The following PEX7 variants were observed in gnomAD, a reference collection of about 807,000 sequenced individuals.
PEX7 encodes peroxisomal biogenesis factor 7.
A neutral mutation model predicts 47.5 loss-of-function variants in PEX7; 34 were observed. The observed-to-expected ratio is 0.72, with a 90% CI of 0.54 to 0.95. The LOEUF is 0.95. Ranked by LOEUF, PEX7 falls within the 40% of genes least tolerant of loss-of-function variation. The probability of loss-of-function intolerance (pLI) is 0.00; values close to 1 mark genes in which losing one functional copy is unlikely to be tolerated. For synonymous variants in PEX7, 141 were observed against 148.8 expected, an observed-to-expected ratio of 0.95 and a Z score of 0.38; for missense variants, 394 against 400.3, an observed-to-expected ratio of 0.98 and a Z score of 0.13.
At position 136,900,469 on chromosome 6, in the gene PEX7, C is replaced by G; in HGVS notation, c.903+2228C>G. On this transcript the variant is annotated intron_variant, in intron 9 of 9. Transcript: ENST00000318471. This position sits in a 1 kb window ranked among gnomAD's most constrained non-coding sequence, Gnocchi z 4.2. ...CTTGGGACCAAGGACATTGCCCCCC[C>G]AGTGACAGCAGATCTCATCGTGTCT... The G allele has an allele frequency of 6.5e-6, 3 of 462,292 alleles. No homozygotes were observed. The highest frequency in any genetic ancestry group is 3.2e-5 in the South Asian group (2 of 61,798). 28.6% of individuals were successfully genotyped at this position (462,292 alleles called of 1,614,324 possible). A position where few individuals can be genotyped will look rare whatever the true frequency, so the allele number is the denominator to read the frequency against.
chr6:136,833,468 G>A (rs567930982), intron 3 of PEX7, among the ~76,000 whole-genome samples: 1 of 152,324 alleles, frequency 6.6e-6, no homozygotes, highest in Non-Finnish European at 1.5e-5. Context: ...CTTCAGAAAT[G>A]CATTTATGTT....
At chr6:136,866,586 A>C in intron 5 of PEX7, 41 bp from the exon 6 acceptor site, 1 of 1,496,294 alleles carries the variant, frequency 6.7e-7, no homozygotes. Context: ...TGCACATTCA[A>C]GTGGTGTGAT....
chr6:136,837,303 A>G (rs1264255594), intron 3 of PEX7, among the ~76,000 whole-genome samples: 1 of 140,532 alleles, frequency 7.1e-6, no homozygotes, highest in Non-Finnish European at 1.5e-5. Flanking sequence ...TGGAGCTTGC[A>G]GTGCGCCAAG....
intron 5 of PEX7, among the ~76,000 whole-genome samples, chr6:136,862,134 T>G: frequency 6.7e-6 from 1 of 149,304 alleles, no homozygotes; most frequent in East Asian, 1.9e-4. Flanking sequence ...GGGCGTGATC[T>G]CAGCTCACTG....
rs748753720 is a variant in PEX7 at position 136,825,205 on chromosome 6, T to TC, written c.131-8dup. On this transcript the variant is annotated splice_polypyrimidine_tract_variant and intron_variant, in intron 1 of 9. Transcript: ENST00000318471. ...TCAAAGGGATGACCTTGATTTTTTT[T>TC]CTCTTTAGGCTGTGGAACCCTACTA... 20 of 1,613,126 alleles carry TC rather than the reference T, an allele frequency of 1.2e-5. No individual in the cohort carries two copies.
chr6:136,883,484 T>C (rs990844382), intron 8 of PEX7, among the ~76,000 whole-genome samples: 1 of 152,208 alleles, frequency 6.6e-6, no homozygotes, highest in Non-Finnish European at 1.5e-5. Flanking sequence ...AAACTCCTTA[T>C]CCTAAGGATT....
chr6:136,899,261 T>G (rs1775710542), intron 9 of PEX7, among the ~76,000 whole-genome samples: 1 of 149,610 alleles, frequency 6.7e-6, no homozygotes, highest in Non-Finnish European at 1.5e-5. Context: ...TTTTTTTTTT[T>G]GACAGAGTTT....
chr6:136,869,121 C>T (rs1463010371), intron 6 of PEX7, among the ~76,000 whole-genome samples: 2 of 152,186 alleles, frequency 1.3e-5, no homozygotes, highest in African/African-American at 2.4e-5. Flanking sequence ...GAGATGAGGT[C>T]TCACTGTTGC....
chr6:136,832,560 G>T (rs528586739), intron 3 of PEX7, among the ~76,000 whole-genome samples: 1 of 152,102 alleles, frequency 6.6e-6, no homozygotes, highest in African/African-American at 2.4e-5. Context: ...TCATGGTTAG[G>T]TTGCAAATTT....
intron 3 of PEX7, among the ~76,000 whole-genome samples, chr6:136,835,104 T>C (rs756723366): frequency 1.2e-4 from 18 of 151,980 alleles, no homozygotes; most frequent in Non-Finnish European, 2.1e-4. Flanking sequence ...TTTGTATTTT[T>C]AGTAGAGATG....
Position 136,822,638 on chromosome 6 carries a change from G to A in PEX7, c.-28G>A, listed in dbSNP as rs376808803. 3.7e-5 allele frequency: 57 copies of A among 1,522,926 alleles called. 1 individual carries two copies. The highest frequency in any genetic ancestry group is 1.2e-4 in the East Asian group (5 of 40,140). The allele number at this position is 1,522,926 out of a possible 1,614,324, so 94.3% of individuals were successfully genotyped here. A position where few individuals can be genotyped will look rare whatever the true frequency, so the allele number is the denominator to read the frequency against. The stretch of plus-strand genomic sequence containing the variant: ...ACTCGGAACGGCTTCCGCGGCCGGG[G>A]CAGCGAGGGCCGGGGGCGGCGGGCG... On this transcript the variant is annotated 5_prime_UTR_variant, in exon 1 of 10. Transcript: ENST00000318471.
intron 9 of PEX7, among the ~76,000 whole-genome samples, chr6:136,899,458 G>A (rs1029981112): frequency 6.6e-5 from 10 of 152,078 alleles, no homozygotes; most frequent in African/African-American, 2.4e-4. Context: ...TGACTAGGCT[G>A]GTCTCAAACT....
chr6:136,878,306 T>C (rs1464339339), intron 8 of PEX7, among the ~76,000 whole-genome samples: 2 of 152,192 alleles, frequency 1.3e-5, no homozygotes, highest in African/African-American at 2.4e-5. Flanking sequence ...TCCTTTCTTT[T>C]GCCTGATTGC....
At chr6:136,909,201 C>A (rs952797721) in intron 9 of PEX7, among the ~76,000 whole-genome samples, 3 of 152,198 alleles carry the variant, frequency 2.0e-5, no homozygotes, top group Non-Finnish European at 4.4e-5. Context: ...TAGGTGTATA[C>A]ATAAATTATC....
chr6:136,892,949 T>C (rs1775582149), intron 8 of PEX7, among the ~76,000 whole-genome samples: 1 of 152,114 alleles, frequency 6.6e-6, no homozygotes, highest in African/African-American at 2.4e-5. Context: ...CCATACCCAC[T>C]CAAGCCCTCA....
rs1243476349 is a variant in PEX7 at position 136,895,883 on chromosome 6, G to C, written c.804-2259G>C. ...GCAAGATGCAGATAAATACTGGATA[G>C]TTTTTCCCAGGTTAAAATTATGTCT... On this transcript the variant is annotated intron_variant, in intron 8 of 9. Transcript: ENST00000318471. 7.9e-5 allele frequency among the ~76,000 whole-genome samples: 12 copies of C among 152,200 alleles called. 1 individual carries two copies. In the South Asian group the frequency reaches 2.5e-3, roughly 31 times the overall value.
intron 3 of PEX7, among the ~76,000 whole-genome samples, chr6:136,833,772 T>C (rs1420632478): frequency 6.6e-6 from 1 of 152,252 alleles, no homozygotes. Flanking sequence ...ATGTGATATG[T>C]CATCACTTTT....
chr6:136,835,912 G>T (rs1270498052), intron 3 of PEX7, among the ~76,000 whole-genome samples: 1 of 152,160 alleles, frequency 6.6e-6, no homozygotes, highest in Admixed American at 6.5e-5. Context: ...GTTTTAAATA[G>T]ATGGAAACTA....
chr6:136,886,061 G>A (rs909920167), intron 8 of PEX7, among the ~76,000 whole-genome samples: 15 of 152,272 alleles, frequency 9.9e-5, no homozygotes, highest in African/African-American at 2.6e-4. Context: ...GGTGACAGAA[G>A]GCTGTCTCCT....
Sources: gnomAD v4.1 joint callset for allele counts (sites outside exome capture counted in the v4.1 genomes callset) on GRCh38, gnomAD v4.1.1 for gene constraint, Gnocchi (gnomAD v3.1) non-coding constraint, MANE v1.5 for transcripts, NCBI Gene and HGNC (gene_info 2026-07-23, HGNC 2026-07-21) for gene names.